HS6ST2: variants seen among roughly 807,000 people sequenced by gnomAD.
HS6ST2 encodes the protein heparan sulfate 6-O-sulfotransferase 2.
Under a neutral mutation model 33.0 loss-of-function variants are expected in HS6ST2, and 17 were observed. The ratio of observed to expected loss-of-function variants is 0.52; its 90% CI spans 0.35 to 0.77. The LOEUF (loss-of-function observed/expected upper bound fraction) is 0.77. Among genes scored for constraint, HS6ST2 ranks in the 30% least tolerant of loss-of-function variants. HS6ST2 has a pLI of 0.01. For missense variants in HS6ST2, 519 were observed against 551.7 expected, an observed-to-expected ratio of 0.94 and a Z score of 0.59; for synonymous variants, 248 against 237.1, an observed-to-expected ratio of 1.05 and a Z score of -0.42.
chrX:132,768,913 T>C (rs765266261), intron 2 of HS6ST2, among the ~76,000 whole-genome samples: 45 of 112,762 alleles, frequency 4.0e-4, no homozygotes, highest in Admixed American at 6.6e-4. Flanking sequence ...ATAAGCAACA[T>C]TCAAATTTGC....
At chrX:132,684,931 A>G (rs1264601647) in intron 3 of HS6ST2, among the ~76,000 whole-genome samples, 4 of 111,926 alleles carry the variant, frequency 3.6e-5, no homozygotes, top group Non-Finnish European at 7.5e-5. Context: ...CATGAAACCT[A>G]TTCCTGGGAA....
At position 132,628,318 on chromosome X, in the gene HS6ST2, G is replaced by A. The variant is rs374128505; in HGVS notation, c.1843C>T (p.Arg615Trp). 2.7e-5 allele frequency: 31 copies of A among 1,165,869 alleles called. No individual in the cohort carries two copies. The highest frequency in any genetic ancestry group is 3.3e-5 in the Non-Finnish European group (29 of 872,742). The stretch of plus-strand genomic sequence containing the variant: ...CCTGAGTTCTGCTTCGGGCTTTCCC[G>A]GTTCTCCTTCTGGCTCAAACTCTGA... ...LTQSLSQKENRESPKQNSGKE... is the reference protein window; with the variant it reads ...LTQSLSQKENWESPKQNSGKE... The change falls in exon 5 of 5, where the codon CGG (arginine) becomes TGG (tryptophan). Residue 615 changes from arginine (R) to tryptophan (W), a missense_variant. By Grantham distance (101) the Arg-to-Trp change is moderately radical. Transcript: ENST00000370833.
intron 3 of HS6ST2, among the ~76,000 whole-genome samples, chrX:132,671,906 G>A (rs918565094): frequency 3.6e-5 from 4 of 111,594 alleles, no homozygotes; most frequent in Non-Finnish European, 7.5e-5. Flanking sequence ...GGCTGGCTTG[G>A]ATCCTCGGAG....
intron 2 of HS6ST2, among the ~76,000 whole-genome samples, chrX:132,761,483 C>T (rs923234508): frequency 4.5e-5 from 5 of 111,691 alleles, no homozygotes; most frequent in Admixed American, 9.5e-5. Context: ...GAAGTGGGCA[C>T]GAAGGCCTTT....
At chrX:132,752,566 C>T (rs1185337103) in intron 2 of HS6ST2, among the ~76,000 whole-genome samples, 1 of 111,123 alleles carries the variant, frequency 9.0e-6, no homozygotes, top group Non-Finnish European at 1.9e-5. Flanking sequence ...GATCTTCTCA[C>T]GCAGACGCTG....
intron 2 of HS6ST2, among the ~76,000 whole-genome samples, chrX:132,879,307 C>T (rs1270488160): frequency 9.0e-6 from 1 of 111,543 alleles, no homozygotes; most frequent in Non-Finnish European, 1.9e-5. Context: ...AAAATGCTCC[C>T]CCATCACACT....
At chrX:132,667,393 G>A (rs1323417735) in intron 4 of HS6ST2, among the ~76,000 whole-genome samples, 1 of 112,059 alleles carries the variant, frequency 8.9e-6, no homozygotes, top group Admixed American at 9.4e-5. Flanking sequence ...CTTCACCATG[G>A]CAGAAGCTTG....
At chrX:132,736,241 T>C (rs2064509656) in intron 2 of HS6ST2, among the ~76,000 whole-genome samples, 1 of 111,413 alleles carries the variant, frequency 9.0e-6, no homozygotes, top group African/African-American at 3.3e-5. Context: ...GTAAGAATTA[T>C]ACAAGAGTAT....
intron 2 of HS6ST2, among the ~76,000 whole-genome samples, chrX:132,823,737 G>A (rs1214268859): frequency 2.9e-5 from 3 of 102,584 alleles, no homozygotes; most frequent in Non-Finnish European, 5.9e-5. Context: ...TGTAGACCCA[G>A]CTACTTAGGA....
chrX:132,880,676 G>A (rs748061810), intron 2 of HS6ST2, among the ~76,000 whole-genome samples: 1 of 105,133 alleles, frequency 9.5e-6, no homozygotes, highest in South Asian at 4.4e-4. Flanking sequence ...TGTGCACAAC[G>A]TGCAGCTTTG....
chrX:132,749,185 G>A (rs1249872107), intron 2 of HS6ST2, among the ~76,000 whole-genome samples: 1 of 111,878 alleles, frequency 8.9e-6, no homozygotes, highest in Non-Finnish European at 1.9e-5. Flanking sequence ...TGTTCTTGCC[G>A]CTACCATGGC....
chrX:132,882,745 T>C (rs2066192123), intron 2 of HS6ST2, among the ~76,000 whole-genome samples: 1 of 111,162 alleles, frequency 9.0e-6, no homozygotes, highest in Non-Finnish European at 1.9e-5. Context: ...CCATTCAGTA[T>C]GATATTGGCT....
rs867819607 is a variant in HS6ST2 at position 132,958,461 on chromosome X, C to T, written c.142G>A (p.Ala48Thr). The stretch of plus-strand genomic sequence containing the variant: ...CTAGGAGGGCCCGCGCGAACTGAGG[C>T]GGCGACCGACCCGGGCCGGCTCGCT... ...LAASRPGSVA[A>T]SVRAGPPRGV... The change falls in exon 1 of 5, where the codon GCC becomes ACC. Residue 48 changes from alanine (A) to threonine (T), a missense_variant. By Grantham distance (58) the Ala-to-Thr change is moderately conservative. Transcript: ENST00000370833. 1 of 1,197,940 alleles carries T rather than the reference C, an allele frequency of 8.3e-7. No individual in the cohort carries two copies. Among genetic ancestry groups the T allele is most frequent in the Admixed American group, 2.2e-5 (1 of 45,206 alleles).
intron 2 of HS6ST2, among the ~76,000 whole-genome samples, chrX:132,728,684 G>T (rs2064422512): frequency 8.9e-6 from 1 of 112,150 alleles, no homozygotes; most frequent in Non-Finnish European, 1.9e-5. Context: ...AATGACTCTG[G>T]CAATAAGGGA....
chrX:132,651,159 AT>A (rs2148182448), intron 4 of HS6ST2, among the ~76,000 whole-genome samples: 1 of 112,402 alleles, frequency 8.9e-6, no homozygotes, highest in South Asian at 3.7e-4. Flanking sequence ...TAACATATGT[AT>A]TAAGCCTCTA....
intron 2 of HS6ST2, among the ~76,000 whole-genome samples, chrX:132,730,531 C>T (rs60587759): frequency 8.9e-6 from 1 of 111,794 alleles, no homozygotes; most frequent in Admixed American, 9.4e-5. Flanking sequence ...GAGGGATTTT[C>T]GAAAAGCCAG....
chrX:132,750,347 G>GAAAAAAA (rs1156312851), intron 2 of HS6ST2, among the ~76,000 whole-genome samples: 1 of 56,407 alleles, frequency 1.8e-5, no homozygotes, highest in Non-Finnish European at 3.3e-5. Flanking sequence ...TGCCCATCAA[G>GAAAAAAA]AAAAAAAAAA....
At chrX:132,957,551 C>A (rs944433031) in intron 1 of HS6ST2, among the ~76,000 whole-genome samples, 1 of 110,067 alleles carries the variant, frequency 9.1e-6, no homozygotes, top group Non-Finnish European at 1.9e-5. Flanking sequence ...CACACCCCCA[C>A]CCCGACTCCT....
At chrX:132,629,165 A>G (rs17317077) in intron 4 of HS6ST2, 72 bp from the exon 5 acceptor site, 16,040 of 1,070,220 alleles carry the variant, frequency 0.015, 126 homozygotes, top group Non-Finnish European at 0.016. Context: ...GGTACATGGC[A>G]TATGTGGTGT....
Sources: allele counts gnomAD v4.1 joint callset (sites outside exome capture counted in the v4.1 genomes callset), GRCh38; gene constraint gnomAD v4.1.1; transcripts MANE v1.5; gene names NCBI Gene and HGNC (gene_info 2026-07-23, HGNC 2026-07-21).